Variants in OTOG observed in about 807,000 individuals in gnomAD.
The protein encoded by OTOG is otogelin.
OTOG carries 296 observed loss-of-function variants against 313.8 expected under a neutral mutation model. That is an observed-to-expected ratio of 0.94 (90% CI 0.86 to 1.04). The LOEUF is 1.04. Ranked by LOEUF, OTOG falls within the 50% of genes least tolerant of loss-of-function variation. OTOG has a pLI of 0.00. For synonymous variants in OTOG, 1,533 were observed against 1,554.9 expected (o/e 0.99, Z 0.33); for missense variants, 3,948 against 3,840.1 (o/e 1.03, Z -0.74).
chr11:17,569,240 G>T lies in OTOG; in HGVS notation c.1729G>T (p.Asp577Tyr), dbSNP rs1450237817. 2.6e-6 allele frequency: 4 copies of T among 1,550,584 alleles called. No homozygotes were observed. The highest frequency in any genetic ancestry group is 2.0e-5 in the Admixed American group (1 of 51,006). ...GCAGGTGACCCTGACCCAGGCAGGG[G>T]ATGTCCTTCTGTTTGACCAGTACAA... ...RRQVTLTQAG[D>Y]VLLFDQYKII... is the part of the protein sequence containing the mutation. The change falls in exon 16 of 56, where the codon GAT becomes TAT. Residue 577 changes from aspartate to tyrosine, a missense_variant. Transcript: ENST00000399397.
At chr11:17,569,082 T>C (rs1852350894) in intron 15 of OTOG, 74 bp from the exon 16 acceptor site, 2 of 1,512,112 alleles carry the variant, frequency 1.3e-6, no homozygotes, top group Non-Finnish European at 1.8e-6. Context: ...GGGGTCTCTG[T>C]CCCTAGAGGG....
intron 46 of OTOG, 122 bp from the exon 47 acceptor site, chr11:17,635,488 C>A: frequency 1.4e-6 from 1 of 738,874 alleles, no homozygotes; most frequent in East Asian, 2.7e-5. Flanking sequence ...CCATGCGATG[C>A]TGCCATTAGT....
chr11:17,593,993 G>A (rs549384890), intron 27 of OTOG, 54 bp from the exon 28 acceptor site: 46 of 1,548,758 alleles, frequency 3.0e-5, no homozygotes, highest in Middle Eastern at 3.4e-4. Context: ...CCCTCTGCCC[G>A]TGGCTCACCT....
intron 8 of OTOG, among the ~76,000 whole-genome samples, chr11:17,557,849 A>G (rs373915799): frequency 2.6e-5 from 4 of 152,110 alleles, no homozygotes; most frequent in East Asian, 1.9e-4. Context: ...TATGTTCCCT[A>G]TGGCAAATAT....
intron 49 of OTOG, 25 bp from the exon 50 acceptor site, chr11:17,640,720 T>A (rs2133719351): frequency 1.3e-6 from 2 of 1,547,694 alleles, no homozygotes; most frequent in East Asian, 4.9e-5. Context: ...CAACCCAGGG[T>A]GCTGACTGCC....
chr11:17,569,176 C>T lies in OTOG; in HGVS notation c.1665C>T (p.Val555=). ...PCGLNQDGAC[V]QSVSVILHQD... ...TCCAGAACCAAGATGGAGCCTGTGTCCAGTCAGTGTCAGTGATTCTGCACC... is the reference window on the plus strand; with the variant it reads ...TCCAGAACCAAGATGGAGCCTGTGTTCAGTCAGTGTCAGTGATTCTGCACC... Residue 555 remains valine (V), a synonymous_variant, in exon 16 of 56, where the codon GTC becomes GTT. Transcript: ENST00000399397. 1.3e-6 allele frequency: 2 copies of T among 1,550,640 alleles called. No individual in the cohort carries two copies. Among genetic ancestry groups the T allele is most frequent in the Non-Finnish European group, 1.7e-6 (2 of 1,147,010 alleles).
chr11:17,613,198 T>C lies in OTOG; in HGVS notation c.6439-414T>C, dbSNP rs867860538. 1.9e-3 allele frequency among the ~76,000 whole-genome samples: 105 copies of C among 55,858 alleles called. 1 individual carries two copies. Among genetic ancestry groups the C allele is most frequent in the Middle Eastern group, 0.016 (2 of 128 alleles). 36.6% of individuals were successfully genotyped at this position (55,858 alleles called of 152,430 possible). ...TCTTTCTTTCTTTCTTTCTTTCTTT[T>C]CTTTCTTTCTTTCTTTCTTTCTTTC... On this transcript the variant is annotated intron_variant, in intron 38 of 55. Transcript: ENST00000399397.
rs756318046 is a variant in OTOG at position 17,610,617 on chromosome 11, G to T, written c.5317G>T (p.Ala1773Ser). The T allele has an allele frequency of 1.3e-5, 20 of 1,550,386 alleles. No homozygotes were observed. The South Asian group carries it at 1.4e-4, about 11-fold the overall frequency. The change falls in exon 36 of 56, where the codon GCC becomes TCC. Residue 1773 changes from alanine to serine, a missense_variant. Ala to Ser is a moderately conservative substitution (Grantham distance 99). Transcript: ENST00000399397. Reference protein sequence around the residue: ...PALPPETPAAASLSTATDGLA... With the variant: ...PALPPETPAASSLSTATDGLA... ...TCTGCCCCCAGAGACCCCAGCTGCC[G>T]CCAGCCTGTCAACAGCCACTGATGG...
rs1048228797 is a variant in OTOG at position 17,570,120 on chromosome 11, C to T, written c.1778-93C>T. 4.9e-5 allele frequency: 57 copies of T among 1,169,142 alleles called. No individual in the cohort carries two copies. In the Admixed American group the frequency reaches 1.1e-3, roughly 22 times the overall value. 72.4% of individuals were successfully genotyped at this position (1,169,142 alleles called of 1,614,324 possible). A position where few individuals can be genotyped will look rare whatever the true frequency, so the allele number is the denominator to read the frequency against. Reference sequence around the variant, plus strand: ...GGCAGGGGGCGAAGACTGGGCCGGGCGTGGGAGTCTGAGCGGGCCAGGCAG... The same window carrying T: ...GGCAGGGGGCGAAGACTGGGCCGGGTGTGGGAGTCTGAGCGGGCCAGGCAG... On this transcript the variant is annotated intron_variant, in intron 16 of 55. Transcript: ENST00000399397.
Position 17,610,375 on chromosome 11 carries a change from G to A in OTOG, c.5075G>A (p.Ser1692Asn). The A allele has an allele frequency of 6.4e-7, 1 of 1,550,602 alleles. No individual in the cohort carries two copies. The highest frequency in any genetic ancestry group is 8.7e-7 in the Non-Finnish European group (1 of 1,146,970). Residue 1692 changes from serine to asparagine, a missense_variant, in exon 36 of 56, where the codon AGT (serine) becomes AAT (asparagine). By Grantham distance (46) the Ser-to-Asn change is conservative. Coordinates refer to ENST00000399397, the MANE Select transcript of OTOG (RefSeq NM_001292063.2). ...PQPTQAQSASSPSTPLTVAGT... is the reference protein window; with the variant it reads ...PQPTQAQSASNPSTPLTVAGT... ...CCCACCCAGGCCCAGAGTGCTTCAA[G>A]TCCCAGCACCCCTCTAACTGTGGCT...
chr11:17,633,968 A>G, intron 43 of OTOG, 94 bp downstream of exon 43: 1 of 1,476,822 alleles, frequency 6.8e-7, no homozygotes, highest in East Asian at 2.5e-5. Context: ...GCATCCTTTC[A>G]GGTCTGCTTA....
intron 30 of OTOG, among the ~76,000 whole-genome samples, chr11:17,598,759 A>G (rs1257683193): frequency 1.3e-5 from 2 of 152,212 alleles, no homozygotes; most frequent in Admixed American, 6.5e-5. Flanking sequence ...TATACCCTGG[A>G]AACCAGAAAC....
intron 39 of OTOG, among the ~76,000 whole-genome samples, chr11:17,615,529 C>A (rs1370799743): frequency 6.6e-6 from 1 of 152,100 alleles, no homozygotes; most frequent in African/African-American, 2.4e-5. Flanking sequence ...GTAAATGGTA[C>A]AAAGTATGAG....
In OTOG at chr11:17,575,014, C is replaced by T. The variant is rs991994259; in HGVS notation, c.2486+102C>T. On this transcript the variant is annotated intron_variant, in intron 20 of 55. Coordinates refer to ENST00000399397, the MANE Select transcript of OTOG (RefSeq NM_001292063.2). ...ACCTGGCTGGGCCTCTTGTGTCCCT[C>T]CTTCCCCTCACAGTTGCAGGCCAGA... The T allele has an allele frequency of 5.9e-6, 7 of 1,193,306 alleles. No homozygotes were observed. In the African/African-American group the frequency reaches 1.1e-4, roughly 19 times the overall value. The allele number at this position is 1,193,306 out of a possible 1,614,324, so 73.9% of individuals were successfully genotyped here.
chr11:17,572,936 G>A (rs1852435518), intron 18 of OTOG, 142 bp from the exon 19 acceptor site: 6 of 779,646 alleles, frequency 7.7e-6, no homozygotes, highest in Non-Finnish European at 1.2e-5. Flanking sequence ...CCAGCCAGCT[G>A]TACACTGAAG....
Position 17,610,441 on chromosome 11 carries a change from C to G in OTOG, c.5141C>G (p.Thr1714Ser). ...AEQVPVSPLA[T>S]RSLEIVLSTE... is the part of the protein sequence containing the mutation. ...CAGGTTCCTGTCAGTCCCCTTGCAA[C>G]CAGGAGCTTGGAGATAGTGCTATCC... The change falls in exon 36 of 56, where the codon ACC (threonine) becomes AGC (serine). Residue 1714 changes from threonine to serine, a missense_variant. Physicochemically the swap from Thr to Ser is moderately conservative, Grantham distance 58. Transcript: ENST00000399397. 1 of 1,550,602 alleles carries G rather than the reference C, an allele frequency of 6.4e-7. No individual in the cohort carries two copies. Among genetic ancestry groups the G allele is most frequent in the Non-Finnish European group, 8.7e-7 (1 of 1,146,978 alleles).
chr11:17,558,974 G>A (rs1852116658), intron 10 of OTOG, 78 bp from the exon 11 acceptor site: 1 of 1,151,814 alleles, frequency 8.7e-7, no homozygotes, highest in Non-Finnish European at 1.3e-6. Context: ...CTGAAGCCCT[G>A]GCAGTGTCTA....
chr11:17,607,500 G>A (rs1224802971), intron 33 of OTOG, among the ~76,000 whole-genome samples: 3 of 152,214 alleles, frequency 2.0e-5, no homozygotes, highest in Non-Finnish European at 4.4e-5. Flanking sequence ...CATCATCTGT[G>A]CCTGGGTTTC....
chr11:17,573,399 C>A, intron 19 of OTOG, 109 bp downstream of exon 19: 1 of 1,180,156 alleles, frequency 8.5e-7, no homozygotes, highest in Admixed American at 2.8e-5. Flanking sequence ...CTCCTCCAGC[C>A]TGACTGCACC....
Sources: gnomAD v4.1 joint callset for allele counts (sites outside exome capture counted in the v4.1 genomes callset) on GRCh38, gnomAD v4.1.1 for gene constraint, MANE v1.5 for transcripts, NCBI Gene and HGNC (gene_info 2026-07-23, HGNC 2026-07-21) for gene names.